Variants in ZC3H4 observed in about 807,000 individuals in gnomAD.
ZC3H4 encodes the protein zinc finger CCCH-type containing 4, also known as zinc finger CCCH domain-containing protein 4.
ZC3H4 carries 13 observed loss-of-function variants against 108.3 expected under a neutral mutation model. The ratio of observed to expected loss-of-function variants is 0.12; its 90% CI spans 0.08 to 0.19. The LOEUF (loss-of-function observed/expected upper bound fraction) is 0.19. Ranked by LOEUF, ZC3H4 falls within the 10% of genes least tolerant of loss-of-function variation. The probability of loss-of-function intolerance (pLI) is 1.00; values close to 1 mark genes in which losing one functional copy is unlikely to be tolerated. For missense variants in ZC3H4, 1,734 were observed against 1,838.8 expected (o/e 0.94, Z 1.04); for synonymous variants, 917 against 749.6 (o/e 1.22, Z -3.65).
rs573534654 is a variant in ZC3H4, at chr19:47,111,911, A to AC, written c.161+512dup. On this transcript the variant is annotated intron_variant, in intron 2 of 14. Coordinates refer to ENST00000253048, the MANE Select transcript of ZC3H4 (RefSeq NM_015168.2). Reference sequence around the variant, plus strand: ...AAAGGATACTGCCGGGGGCTGGGAGACCCCCAACCCCAAACCCCTAAGAGC... The same window carrying AC: ...AAAGGATACTGCCGGGGGCTGGGAGACCCCCCAACCCCAAACCCCTAAGAGC... 4.5e-3 allele frequency among the ~76,000 whole-genome samples: 688 copies of AC among 151,918 alleles called. 3 individuals carry two copies. Among genetic ancestry groups the AC allele is most frequent in the Non-Finnish European group, 7.6e-3 (519 of 67,934 alleles).
intron 9 of ZC3H4, 24 bp downstream of exon 9, chr19:47,084,321 T>G (rs1242915244): frequency 6.2e-7 from 1 of 1,608,196 alleles, no homozygotes; most frequent in South Asian, 1.1e-5. Context: ...CTCCTAGAGG[T>G]GCCCAGCTTT....
chr19:47,068,256 C>T (rs1032138544), intron 14 of ZC3H4, among the ~76,000 whole-genome samples: 3 of 152,258 alleles, frequency 2.0e-5, no homozygotes, highest in African/African-American at 7.2e-5. Flanking sequence ...CTGCTGTTTC[C>T]TCCCGCCCAC....
At chr19:47,090,710 GA>G (rs2057716368) in intron 4 of ZC3H4, among the ~76,000 whole-genome samples, 1 of 152,182 alleles carries the variant, frequency 6.6e-6, no homozygotes, top group Admixed American at 6.5e-5. Context: ...CAGGTAAATG[GA>G]TAACAAACTG....
At chr19:47,103,108 C>T (rs549784650) in intron 2 of ZC3H4, among the ~76,000 whole-genome samples, 14 of 152,162 alleles carry the variant, frequency 9.2e-5, no homozygotes, top group Non-Finnish European at 1.8e-4. Flanking sequence ...ATCCAAGTTA[C>T]TCCTGGCAGA....
chr19:47,069,476 C>T (rs2057287758), intron 13 of ZC3H4, 133 bp from the exon 14 acceptor site: 2 of 1,195,866 alleles, frequency 1.7e-6, no homozygotes, highest in Admixed American at 2.5e-5. Flanking sequence ...TGCCTGCCCT[C>T]CCCAGGTCTC....
chr19:47,098,202 G>A (rs2057853264), intron 2 of ZC3H4, among the ~76,000 whole-genome samples: 2 of 152,214 alleles, frequency 1.3e-5, no homozygotes, highest in African/African-American at 4.8e-5. Context: ...ACAGTGCTTG[G>A]TAAAGACATT....
chr19:47,066,928 A>G lies in ZC3H4; in HGVS notation c.3340T>C (p.Ser1114Pro), dbSNP rs1293445244. ...TCGTAGGGAGCGGTGGCTGGTGGGG[A>G]GGCATCCCCACTCGGGCTGGCGGTG... is the stretch of plus-strand genomic sequence containing the variant. ...SPTASPSGDA[S>P]PPATAPYDPR... Residue 1114 changes from serine to proline, a missense_variant, in exon 15 of 15, where the codon TCC (serine) becomes CCC (proline). This residue lies in a region of ZC3H4 where 518 missense variants were observed against 499.6 expected (regional missense o/e 1.04). Transcript: ENST00000253048. 5 of 1,595,678 alleles carry G rather than the reference A, an allele frequency of 3.1e-6. No individual in the cohort carries two copies. The South Asian group carries it at 5.5e-5, about 18-fold the overall frequency.
chr19:47,080,303 C>T (rs996174323), intron 11 of ZC3H4, among the ~76,000 whole-genome samples: 1 of 152,192 alleles, frequency 6.6e-6, no homozygotes, highest in Admixed American at 6.5e-5. Context: ...ACAACTGATG[C>T]CAGGATGAGT....
intron 11 of ZC3H4, among the ~76,000 whole-genome samples, chr19:47,079,077 T>G (rs1440544676): frequency 6.8e-6 from 1 of 147,792 alleles, no homozygotes; most frequent in Non-Finnish European, 1.5e-5. Flanking sequence ...TTGCCCAGGC[T>G]GGAGTGCAAT....
chr19:47,069,016 TG>T lies in ZC3H4; in HGVS notation c.2398+75del. ...CTCCTTCCTGACAGGAAACCCAACC[TG>T]GAACACCCCACCACCGCCGCTCCCC... On this transcript the variant is annotated intron_variant, in intron 14 of 14. Transcript: ENST00000253048. The T allele has an allele frequency of 3.1e-6, 5 of 1,589,776 alleles. No individual in the cohort carries two copies. In the South Asian group the frequency reaches 4.5e-5, roughly 14 times the overall value.
At chr19:47,103,354 G>A (rs770343518) in intron 2 of ZC3H4, among the ~76,000 whole-genome samples, 6 of 152,124 alleles carry the variant, frequency 3.9e-5, no homozygotes, top group Non-Finnish European at 8.8e-5. Flanking sequence ...CCAGGCTGGA[G>A]TGCAGTGGTG....
intron 4 of ZC3H4, among the ~76,000 whole-genome samples, chr19:47,092,084 GT>G (rs1478749565): frequency 6.6e-6 from 1 of 151,070 alleles, no homozygotes; most frequent in African/African-American, 2.4e-5. Context: ...ATGGCCCATG[GT>G]TCCAGCTACT....
intron 2 of ZC3H4, among the ~76,000 whole-genome samples, chr19:47,096,218 G>A (rs983576989): frequency 2.6e-5 from 4 of 152,210 alleles, no homozygotes; most frequent in Non-Finnish European, 5.9e-5. Context: ...GAGGTCAAGG[G>A]CAACTCTCAA....
chr19:47,084,612 C>T (rs1334167950), intron 8 of ZC3H4, among the ~76,000 whole-genome samples, 157 bp from the exon 9 acceptor site: 3 of 152,206 alleles, frequency 2.0e-5, no homozygotes, highest in Non-Finnish European at 4.4e-5. Context: ...AGGCTGCGTG[C>T]ACCTTATAAG....
At position 47,065,692 on chromosome 19, in the gene ZC3H4, C is replaced by T. The variant is rs151157903; in HGVS notation, c.*664G>A. 6 of 152,988 alleles carry T rather than the reference C, an allele frequency of 3.9e-5. No homozygotes were observed. The highest frequency in any genetic ancestry group is 1.9e-4 in the East Asian group (1 of 5,206). 9.5% of individuals were successfully genotyped at this position (152,988 alleles called of 1,614,324 possible). On this transcript the variant is annotated 3_prime_UTR_variant, in exon 15 of 15. Transcript: ENST00000253048. ...CTGGGGGGCATCCGCTTGCTCTAGA[C>T]GGAGGGTGGCAGGGAGGGCACGTGT...
In ZC3H4 at chr19:47,066,833, A is replaced by G. The variant is rs1288794070; in HGVS notation, c.3435T>C (p.Gly1145=). ...GGGGQSSVLS[G]ISLYDPRTPN... ...GAGTCCTCGGGTCGTAGAGGCTGAT[A>G]CCGCTCAGCACACTGCTCTGCCCGC... is the stretch of plus-strand genomic sequence containing the variant. The change falls in exon 15 of 15, where the codon GGT becomes GGC. Residue 1145 remains glycine, a synonymous_variant. Coordinates refer to ENST00000253048, the MANE Select transcript of ZC3H4 (RefSeq NM_015168.2). 6.3e-7 allele frequency: 1 copy of G among 1,599,466 alleles called. No individual in the cohort carries two copies. Among genetic ancestry groups the G allele is most frequent in the Non-Finnish European group, 8.5e-7 (1 of 1,179,298 alleles).
At chr19:47,084,222 C>A (rs2057574379) in intron 9 of ZC3H4, 123 bp downstream of exon 9, 6 of 887,464 alleles carry the variant, frequency 6.8e-6, no homozygotes, top group Non-Finnish European at 1.1e-5. Flanking sequence ...CAAGTGTCCA[C>A]AAGGACAAGG....
intron 2 of ZC3H4, among the ~76,000 whole-genome samples, chr19:47,110,556 G>T (rs2058024787): frequency 6.6e-6 from 1 of 152,190 alleles, no homozygotes; most frequent in Non-Finnish European, 1.5e-5. Context: ...CATCACTTTG[G>T]TCTAAAGGCG....
chr19:47,066,359 C>A lies in ZC3H4; in HGVS notation c.3909G>T (p.Gln1303His), dbSNP rs1402413318. Residue 1303 changes from glutamine to histidine, a missense_variant, in exon 15 of 15, where the codon CAG (glutamine) becomes CAT (histidine). Gln to His is a conservative substitution (Grantham distance 24). Around this residue, in one of 9 missense-constraint regions of ZC3H4, gnomAD observed 518 missense variants for 499.6 expected, o/e 1.04. Transcript: ENST00000253048. ...GAGCCGCAGCTCTGGCTGGACACTA[C>A]TGGCAAAAGGGGGAGGCCGTGGGGT... ...GFDPTASPFC[Q>H] 6.5e-7 allele frequency: 1 copy of A among 1,543,486 alleles called. No homozygotes were observed. The highest frequency in any genetic ancestry group is 1.3e-5 in the South Asian group (1 of 79,916).
Sources: allele counts gnomAD v4.1 joint callset (sites outside exome capture counted in the v4.1 genomes callset), GRCh38; gene constraint gnomAD v4.1.1; regional missense constraint gnomAD v4.1.1; transcripts MANE v1.5; gene names NCBI Gene and HGNC (gene_info 2026-07-23, HGNC 2026-07-21).